Variants in MPP7 observed in about 807,000 individuals in gnomAD.
The protein encoded by MPP7 is MAGUK p55 subfamily member 7.
MPP7 carries 60 observed loss-of-function variants against 76.5 expected under a neutral mutation model. The observed-to-expected ratio is 0.78, with a 90% CI of 0.64 to 0.97. The LOEUF is 0.97. MPP7 is among the 50% of genes least tolerant of loss of function. The probability of loss-of-function intolerance (pLI) is 0.00; values close to 1 mark genes in which losing one functional copy is unlikely to be tolerated. For synonymous variants in MPP7, 237 were observed against 244.5 expected, an observed-to-expected ratio of 0.97 and a Z score of 0.29; for missense variants, 641 against 694.0, an observed-to-expected ratio of 0.92 and a Z score of 0.86.
intron 8 of MPP7, among the ~76,000 whole-genome samples, chr10:28,121,812 T>TAAAAA (rs35378187): frequency 1.4e-4 from 20 of 145,372 alleles, no homozygotes; most frequent in African/African-American, 2.5e-4. Flanking sequence ...TCCATTTATT[T>TAAAAA]AAAAAAAAAA....
chr10:28,080,823 T>C (rs1315269945), intron 12 of MPP7, among the ~76,000 whole-genome samples: 1 of 152,228 alleles, frequency 6.6e-6, no homozygotes, highest in East Asian at 1.9e-4. Context: ...ATTATGACTT[T>C]CAGTTTTACA....
chr10:28,331,843 G>A (rs1265188007), intron 1 of MPP7, among the ~76,000 whole-genome samples: 1 of 152,104 alleles, frequency 6.6e-6, no homozygotes, highest in Non-Finnish European at 1.5e-5. Context: ...CCAAAGTGCG[G>A]GAATTACAAG....
chr10:28,328,636 C>T (rs528486390), intron 2 of MPP7, among the ~76,000 whole-genome samples: 19 of 148,346 alleles, frequency 1.3e-4, no homozygotes, highest in African/African-American at 4.7e-4. Context: ...GGCTTATGTG[C>T]TTTTCTGTTA....
intron 2 of MPP7, among the ~76,000 whole-genome samples, chr10:28,309,229 C>T (rs1007857961): frequency 1.3e-5 from 2 of 152,144 alleles, no homozygotes; most frequent in African/African-American, 4.8e-5. Flanking sequence ...GCCCGGCCAA[C>T]ATCGTGAAAC....
In MPP7 at chr10:28,115,097, GTT is replaced by G. The variant is rs1564637669; in HGVS notation, c.952+4552_952+4553del. On this transcript the variant is annotated intron_variant, in intron 11 of 16. Coordinates refer to ENST00000683449, the MANE Select transcript of MPP7 (RefSeq NM_001318170.2). ...TTTTGTTTGTTTGTTTGTTTGTTTT[GTT>G]TTTTGTTTTTGTTTTTTTTTGAGAT... Among the ~76,000 whole-genome samples, 13 of 137,814 alleles carry G rather than the reference GTT, an allele frequency of 9.4e-5. No individual in the cohort carries two copies. In the East Asian group the frequency reaches 2.2e-3, roughly 23 times the overall value. 90.4% of individuals were successfully genotyped at this position (137,814 alleles called of 152,430 possible). A position where few individuals can be genotyped will look rare whatever the true frequency, so the allele number is the denominator to read the frequency against.
chr10:28,278,948 T>C (rs893371183), intron 1 of MPP7, among the ~76,000 whole-genome samples: 1 of 151,930 alleles, frequency 6.6e-6, no homozygotes, highest in Non-Finnish European at 1.5e-5. Flanking sequence ...AAAGGATCCA[T>C]ATCTCTTGCC....
At chr10:28,292,174 G>A (rs1213475078) in intron 1 of MPP7, among the ~76,000 whole-genome samples, 11 of 152,162 alleles carry the variant, frequency 7.2e-5, no homozygotes, top group African/African-American at 2.4e-5. Context: ...TAGGAGCAAC[G>A]GGCTATACCA....
chr10:28,118,652 G>A lies in MPP7; in HGVS notation c.952+999C>T, dbSNP rs986589080. 1.5e-5 allele frequency: 15 copies of A among 985,214 alleles called. No individual in the cohort carries two copies. In the African/African-American group the frequency reaches 2.6e-4, roughly 17 times the overall value. 61.0% of individuals were successfully genotyped at this position (985,214 alleles called of 1,614,324 possible). A position where few individuals can be genotyped will look rare whatever the true frequency, so the allele number is the denominator to read the frequency against. ...GAAGACTTGTAGCATTCTGTGACAA[G>A]GGTTTTTTTCCTTGTGCCTAGACTT... On this transcript the variant is annotated intron_variant, in intron 11 of 16. Transcript: ENST00000683449.
chr10:28,226,372 G>A (rs749498592), intron 2 of MPP7, among the ~76,000 whole-genome samples: 10 of 151,948 alleles, frequency 6.6e-5, no homozygotes, highest in Admixed American at 6.6e-4. Context: ...TCAGCCTCCT[G>A]AGTAGCTGGA....
intron 3 of MPP7, among the ~76,000 whole-genome samples, chr10:28,184,151 AT>A (rs1270258177): frequency 1.3e-5 from 2 of 148,828 alleles, no homozygotes; most frequent in South Asian, 2.1e-4. Context: ...ATAAAGATAT[AT>A]TATCTTAGTA....
chr10:28,224,316 C>A (rs12258577), intron 2 of MPP7, among the ~76,000 whole-genome samples: 4,974 of 150,582 alleles, frequency 0.033, 297 homozygotes, highest in African/African-American at 0.11. Flanking sequence ...ACGTGCTTAA[C>A]AACATATTAC....
chr10:28,289,719 G>C (rs915070078), intron 1 of MPP7, among the ~76,000 whole-genome samples: 9 of 152,186 alleles, frequency 5.9e-5, no homozygotes, highest in African/African-American at 2.2e-4. Context: ...GAGAAATGGA[G>C]AAAAGGTTTT....
intron 11 of MPP7, among the ~76,000 whole-genome samples, chr10:28,103,552 C>A (rs1213822386): frequency 6.6e-6 from 1 of 152,110 alleles, no homozygotes; most frequent in Non-Finnish European, 1.5e-5. Flanking sequence ...TTCCCCAGCT[C>A]CCTCATCACC....
At chr10:28,283,663 C>T (rs1295248713) in intron 1 of MPP7, among the ~76,000 whole-genome samples, 8 of 151,856 alleles carry the variant, frequency 5.3e-5, no homozygotes, top group Non-Finnish European at 1.0e-4. Flanking sequence ...TACAGGCGCC[C>T]GCCACCACGC....
At chr10:28,315,860 C>G in intron 2 of MPP7, among the ~76,000 whole-genome samples, 1 of 152,122 alleles carries the variant, frequency 6.6e-6, no homozygotes, top group East Asian at 1.9e-4. Flanking sequence ...TGATCAAGGT[C>G]AACATCAACA....
intron 16 of MPP7, among the ~76,000 whole-genome samples, 162 bp from the exon 17 acceptor site, chr10:28,054,406 G>T (rs984242727): frequency 2.0e-5 from 3 of 152,128 alleles, no homozygotes; most frequent in African/African-American, 7.2e-5. Context: ...AAGTGCTTCA[G>T]AAGCCATAAT....
intron 2 of MPP7, among the ~76,000 whole-genome samples, chr10:28,211,241 G>A (rs1838124032): frequency 6.6e-6 from 1 of 152,098 alleles, no homozygotes; most frequent in Non-Finnish European, 1.5e-5. Flanking sequence ...TGGGACTACA[G>A]GAGTACACCA....
intron 3 of MPP7, among the ~76,000 whole-genome samples, chr10:28,192,972 T>C (rs968668105): frequency 6.6e-6 from 1 of 152,186 alleles, no homozygotes; most frequent in African/African-American, 2.4e-5. Context: ...ATATAGAAGC[T>C]AATCTTTGAC....
chr10:28,168,094 G>A (rs986641165), intron 3 of MPP7, among the ~76,000 whole-genome samples: 7 of 151,970 alleles, frequency 4.6e-5, no homozygotes, highest in African/African-American at 1.2e-4. Flanking sequence ...AAATTTAGTC[G>A]GGCATGGTGG....
Sources: allele counts gnomAD v4.1 joint callset (sites outside exome capture counted in the v4.1 genomes callset), GRCh38; gene constraint gnomAD v4.1.1; transcripts MANE v1.5; gene names NCBI Gene and HGNC (gene_info 2026-07-23, HGNC 2026-07-21).